CECR2: variants seen among roughly 807,000 people sequenced by gnomAD.
CECR2 encodes the protein chromatin remodeling regulator CECR2.
Under a neutral mutation model 154.5 loss-of-function variants are expected in CECR2, and 30 were observed. The observed-to-expected ratio is 0.19, with a 90% CI of 0.15 to 0.26. CECR2 has a LOEUF of 0.26. Among genes scored for constraint, CECR2 ranks in the 10% least tolerant of loss-of-function variants. The probability of loss-of-function intolerance (pLI) is 1.00; values close to 1 mark genes in which losing one functional copy is unlikely to be tolerated. For missense variants in CECR2, 1,743 were observed against 1,829.3 expected, an observed-to-expected ratio of 0.95 and a Z score of 0.86; for synonymous variants, 725 against 683.7, an observed-to-expected ratio of 1.06 and a Z score of -0.94.
At chr22:17,422,219 A>G (rs774359335) in intron 1 of CECR2, among the ~76,000 whole-genome samples, 19 of 151,960 alleles carry the variant, frequency 1.3e-4, no homozygotes, top group Middle Eastern at 3.4e-3. Flanking sequence ...TTGTTTTGAG[A>G]CGGAGTCTCA....
chr22:17,516,751 C>T (rs571498338), intron 8 of CECR2, among the ~76,000 whole-genome samples: 84 of 152,280 alleles, frequency 5.5e-4, no homozygotes, highest in Non-Finnish European at 1.0e-3. Context: ...CCTGCCACCA[C>T]GCCTGGCTAA....
intron 1 of CECR2, among the ~76,000 whole-genome samples, chr22:17,362,069 G>A (rs1463306898): frequency 6.6e-6 from 1 of 152,024 alleles, no homozygotes; most frequent in Non-Finnish European, 1.5e-5. Context: ...TAGTGACAGA[G>A]TCCCTCTCTG....
chr22:17,437,344 T>C (rs980966904), intron 1 of CECR2, among the ~76,000 whole-genome samples: 3 of 152,086 alleles, frequency 2.0e-5, no homozygotes, highest in African/African-American at 7.2e-5. Context: ...GTTTGTTTCG[T>C]CCCTTTGTTG....
rs533414861 is a variant in CECR2 at position 17,414,153 on chromosome 22, T to C, written c.126+44244T>C. Among the ~76,000 whole-genome samples the C allele has an allele frequency of 5.3e-3, 804 of 151,326 alleles. 12 individuals carry two copies. The highest frequency in any genetic ancestry group is 5.4e-3 in the Non-Finnish European group (369 of 67,872). Reference sequence around the variant, plus strand: ...ACGCCTGGCTAATTTTTTGTATTTTTAGTAGAGATGGGATTTCACTGTGTT... The same window carrying C: ...ACGCCTGGCTAATTTTTTGTATTTTCAGTAGAGATGGGATTTCACTGTGTT... On this transcript the variant is annotated intron_variant, in intron 1 of 18. Coordinates refer to ENST00000262608, the MANE Select transcript of CECR2 (RefSeq NM_001290047.2).
chr22:17,472,172 T>G (rs2055138388), intron 1 of CECR2, among the ~76,000 whole-genome samples: 1 of 152,200 alleles, frequency 6.6e-6, no homozygotes, highest in African/African-American at 2.4e-5. Flanking sequence ...CTTGGCCAAC[T>G]GAAAGTGTTA....
At chr22:17,493,528 G>A (rs1418362966) in intron 2 of CECR2, among the ~76,000 whole-genome samples, 6 of 152,142 alleles carry the variant, frequency 3.9e-5, no homozygotes, top group African/African-American at 1.4e-4. Context: ...AGGAGATGTA[G>A]ATTTCTAGGA....
upstream of CECR2, among the ~76,000 whole-genome samples, chr22:17,368,767 A>C (rs1218945609): frequency 6.6e-6 from 1 of 151,878 alleles, no homozygotes; most frequent in East Asian, 1.9e-4. Flanking sequence ...GGGCGGTCAC[A>C]CGTGTCCATT....
At chr22:17,449,748 C>G (rs1601378895) in intron 1 of CECR2, among the ~76,000 whole-genome samples, 2 of 152,290 alleles carry the variant, frequency 1.3e-5, no homozygotes, top group Admixed American at 6.5e-5. Flanking sequence ...CTCGGCCTCC[C>G]AAAGTGCTGG....
Position 17,394,197 on chromosome 22 carries a change from C to CTTTTTTTTTTTT in CECR2, c.126+24303_126+24314dup, listed in dbSNP as rs71200271. ...CCACCGCGCCCAGCTGCTGCCGCTG[C>CTTTTTTTTTTTT]TTTTTTTTTTTTTTTTTTTTTTTTT... is the stretch of plus-strand genomic sequence containing the variant. On this transcript the variant is annotated intron_variant, in intron 1 of 18. Coordinates refer to ENST00000262608, the MANE Select transcript of CECR2 (RefSeq NM_001290047.2). Among the ~76,000 whole-genome samples the CTTTTTTTTTTTT allele has an allele frequency of 3.1e-5, 3 of 97,088 alleles. 1 individual carries two copies. Among genetic ancestry groups the CTTTTTTTTTTTT allele is most frequent in the Non-Finnish European group, 6.1e-5 (3 of 49,368 alleles). 63.7% of individuals were successfully genotyped at this position (97,088 alleles called of 152,430 possible). A position where few individuals can be genotyped will look rare whatever the true frequency, so the allele number is the denominator to read the frequency against.
intron 1 of CECR2, among the ~76,000 whole-genome samples, chr22:17,361,928 G>C (rs2062979714): frequency 6.6e-6 from 1 of 152,148 alleles, no homozygotes; most frequent in African/African-American, 2.4e-5. Context: ...TGGAAGAGCT[G>C]TGATTTAGTT....
chr22:17,474,554 AT>A (rs1317621925), intron 1 of CECR2, among the ~76,000 whole-genome samples: 4 of 152,228 alleles, frequency 2.6e-5, no homozygotes, highest in Non-Finnish European at 5.9e-5. Context: ...TATTGCTACA[AT>A]GTAGAAAACT....
At chr22:17,403,253 A>G (rs2053924519) in intron 1 of CECR2, among the ~76,000 whole-genome samples, 1 of 151,588 alleles carries the variant, frequency 6.6e-6, no homozygotes, top group Non-Finnish European at 1.5e-5. Context: ...TCTCCTTTAG[A>G]CATGTCCTCA....
chr22:17,462,079 C>T (rs2054948084), intron 1 of CECR2, among the ~76,000 whole-genome samples: 1 of 151,902 alleles, frequency 6.6e-6, no homozygotes, highest in South Asian at 2.1e-4. Flanking sequence ...GCATGAGCCA[C>T]CATGCTCGGC....
chr22:17,435,426 C>G (rs1232898636), intron 1 of CECR2, among the ~76,000 whole-genome samples: 2 of 151,838 alleles, frequency 1.3e-5, no homozygotes, highest in Non-Finnish European at 2.9e-5. Context: ...ATTTGGAGAC[C>G]GGGTTTTATA....
chr22:17,384,280 C>T (rs1011060790), intron 1 of CECR2, among the ~76,000 whole-genome samples: 13 of 152,258 alleles, frequency 8.5e-5, no homozygotes, highest in African/African-American at 2.2e-4. Flanking sequence ...GATGGGGTCT[C>T]GCTGTGTTGC....
At chr22:17,487,834 C>T (rs987238243) in intron 2 of CECR2, among the ~76,000 whole-genome samples, 3 of 152,028 alleles carry the variant, frequency 2.0e-5, no homozygotes, top group African/African-American at 4.8e-5. Flanking sequence ...CACTCTTAAA[C>T]GGTAATTCAT....
At chr22:17,382,168 G>A (rs1015532941) in intron 1 of CECR2, among the ~76,000 whole-genome samples, 2 of 151,882 alleles carry the variant, frequency 1.3e-5, no homozygotes, top group Admixed American at 6.6e-5. Flanking sequence ...GGGATTACAG[G>A]CGTGAGCCAC....
At chr22:17,460,066 C>T (rs1245022337) in intron 1 of CECR2, among the ~76,000 whole-genome samples, 4 of 152,118 alleles carry the variant, frequency 2.6e-5, no homozygotes, top group African/African-American at 9.7e-5. Flanking sequence ...ATTCGTGTAA[C>T]CATGCCTGGA....
At chr22:17,399,416 ATTTT>A (rs67470861) in intron 1 of CECR2, among the ~76,000 whole-genome samples, 6 of 126,368 alleles carry the variant, frequency 4.7e-5, no homozygotes, top group Admixed American at 8.1e-5. Flanking sequence ...AGTAATGGTG[ATTTT>A]TTTTTTTTTT....
Sources: allele counts gnomAD v4.1 joint callset (sites outside exome capture counted in the v4.1 genomes callset), GRCh38; gene constraint gnomAD v4.1.1; transcripts MANE v1.5; gene names NCBI Gene and HGNC (gene_info 2026-07-23, HGNC 2026-07-21).